Variants in MTCL1 observed in about 807,000 individuals in gnomAD.
The protein encoded by MTCL1 is microtubule cross-linking factor 1.
MTCL1 carries 79 observed loss-of-function variants against 141.4 expected under a neutral mutation model. That is an observed-to-expected ratio of 0.56 (90% CI 0.47 to 0.67). The LOEUF is 0.67. Ranked by LOEUF, MTCL1 falls within the 30% of genes least tolerant of loss-of-function variation. MTCL1 has a pLI of 0.00. For missense variants in MTCL1, 2,177 were observed against 2,113.9 expected (o/e 1.03, Z -0.59); for synonymous variants, 914 against 875.8 (o/e 1.04, Z -0.77).
intron 2 of MTCL1, chr18:8,718,014 G>T: frequency 2.0e-6 from 2 of 1,006,744 alleles, no homozygotes; most frequent in Non-Finnish European, 1.2e-6. Context: ...TGAAGTTTAT[G>T]TTCTTTGAAG....
intron 12 of MTCL1, among the ~76,000 whole-genome samples, chr18:8,816,826 A>G (rs1247577609): frequency 6.6e-6 from 1 of 152,194 alleles, no homozygotes; most frequent in Admixed American, 6.5e-5. Context: ...CTTGCATTAA[A>G]AGTTGTTTTA....
chr18:8,777,137 G>A (rs2096514053), intron 4 of MTCL1, among the ~76,000 whole-genome samples: 1 of 152,204 alleles, frequency 6.6e-6, no homozygotes, highest in African/African-American at 2.4e-5. Context: ...TTGGGAGGCT[G>A]AGGCAAGAGA....
At chr18:8,706,817 C>G in intron 1 of MTCL1, 104 bp downstream of exon 1, 1 of 1,480,176 alleles carries the variant, frequency 6.8e-7, no homozygotes, top group Non-Finnish European at 8.9e-7. Context: ...AGCGCCTTCT[C>G]CCTCCTGCTC....
chr18:8,802,159 T>G (rs1415666010), intron 10 of MTCL1: 1 of 152,188 alleles, frequency 6.6e-6, no homozygotes, highest in Non-Finnish European at 1.5e-5. Flanking sequence ...CTCCTGCTGG[T>G]GGAGGAGTTG....
intron 4 of MTCL1, among the ~76,000 whole-genome samples, chr18:8,745,237 C>T (rs2096329824): frequency 6.6e-6 from 1 of 152,172 alleles, no homozygotes; most frequent in Non-Finnish European, 1.5e-5. Context: ...AGAGCATTAT[C>T]AATTGGTTGC....
At chr18:8,784,214 C>T (rs147496732) in exon 6 of MTCL1, 21 of 1,611,676 alleles carry the variant, frequency 1.3e-5, no homozygotes, top group Admixed American at 8.3e-5. Flanking sequence ...CAACATCCAG[C>T]GCTGCGACCT....
chr18:8,780,061 C>T (rs1328081496), intron 5 of MTCL1, among the ~76,000 whole-genome samples: 1 of 152,164 alleles, frequency 6.6e-6, no homozygotes, highest in Non-Finnish European at 1.5e-5. Context: ...TGCAGATAAG[C>T]ACGTATAACC....
In MTCL1 at chr18:8,720,386, G is replaced by T. The variant is rs1347757552; in HGVS notation, c.247G>T (p.Glu83Ter). ...ATTGCACCACGAACTTAAGACGGTG[G>T]AGGAAAAGCGCGCTAAAGCTGAGGA... The change falls in exon 4 of 17, where the codon GAG (glutamate) becomes TAG (stop). Residue 83 changes from glutamate (E) to a stop codon, truncating the protein, a stop_gained. Coordinates refer to ENST00000359865, the Ensembl canonical transcript of MTCL1. LOFTEE classifies it high-confidence loss of function. 6.2e-7 allele frequency: 1 copy of T among 1,614,174 alleles called. No homozygotes were observed. The highest frequency in any genetic ancestry group is 1.7e-5 in the Admixed American group (1 of 60,010).
chr18:8,831,412 T>C, intron 16 of MTCL1, 195 bp from the exon 15 acceptor site: 3 of 1,414,648 alleles, frequency 2.1e-6, no homozygotes, highest in Non-Finnish European at 2.8e-6. Context: ...CCCATTCATG[T>C]CACTGATCAT....
At chr18:8,736,816 T>C (rs1244217410) in intron 4 of MTCL1, among the ~76,000 whole-genome samples, 1 of 151,752 alleles carries the variant, frequency 6.6e-6, no homozygotes, top group Non-Finnish European at 1.5e-5. Flanking sequence ...TTTTTTGTAG[T>C]TTTTTAGTAG....
chr18:8,711,380 T>G (rs1453299885), intron 1 of MTCL1, among the ~76,000 whole-genome samples: 1 of 149,780 alleles, frequency 6.7e-6, no homozygotes, highest in African/African-American at 2.5e-5. Flanking sequence ...AGCAGCATGA[T>G]TTCTAGTCCT....
rs894804231 is a variant in MTCL1, at chr18:8,737,569, A to G, written c.357+17073A>G. Reference sequence around the variant, plus strand: ...CAAGTGAAATGAGCAGAAACCATCGAAGATGCCAAGCAGGTGACCAACGCG... The same window carrying G: ...CAAGTGAAATGAGCAGAAACCATCGGAGATGCCAAGCAGGTGACCAACGCG... On this transcript the variant is annotated intron_variant, in intron 4 of 16. Transcript: ENST00000359865. Among the ~76,000 whole-genome samples the G allele has an allele frequency of 3.2e-4, 48 of 152,344 alleles. 1 individual carries two copies. The highest frequency in any genetic ancestry group is 1.2e-3 in the African/African-American group (48 of 41,588).
intron 4 of MTCL1, among the ~76,000 whole-genome samples, chr18:8,732,651 A>G (rs1298193712): frequency 2.0e-5 from 3 of 152,182 alleles, no homozygotes; most frequent in South Asian, 2.1e-4. Flanking sequence ...TCACCCATAC[A>G]TAGTTACACA....
upstream of MTCL1, among the ~76,000 whole-genome samples, chr18:8,714,818 G>A (rs555800646): frequency 4.0e-4 from 60 of 151,436 alleles, 1 homozygote; most frequent in African/African-American, 1.3e-3. Context: ...TTTTTTTGAG[G>A]TGGAGTCTCA....
chr18:8,816,348 G>A (rs1430944893), intron 12 of MTCL1, among the ~76,000 whole-genome samples: 2 of 152,186 alleles, frequency 1.3e-5, no homozygotes, highest in Non-Finnish European at 2.9e-5. Flanking sequence ...TCCACTTTCA[G>A]AACACATGCT....
intron 7 of MTCL1, chr18:8,786,685 T>A: frequency 4.0e-6 from 1 of 251,940 alleles, no homozygotes; most frequent in South Asian, 5.3e-5. Context: ...CCTGGAAGAG[T>A]GAAAGCTCTT....
chr18:8,729,613 C>T (rs2096239656), intron 4 of MTCL1, among the ~76,000 whole-genome samples: 1 of 127,148 alleles, frequency 7.9e-6, no homozygotes. Flanking sequence ...CAGTGTTGCT[C>T]AGGCTGTCTC....
intron 4 of MTCL1, among the ~76,000 whole-genome samples, chr18:8,729,885 C>A (rs752332411): frequency 3.3e-5 from 5 of 151,938 alleles, no homozygotes; most frequent in Non-Finnish European, 5.9e-5. Flanking sequence ...AACCCTACAT[C>A]CTGAATATTT....
At position 8,761,798 on chromosome 18, in the gene MTCL1, C is replaced by T. The variant is rs143373444; in HGVS notation, c.358-16035C>T. 1.7e-3 allele frequency among the ~76,000 whole-genome samples: 259 copies of T among 152,302 alleles called. 1 individual carries two copies. The South Asian group carries it at 0.022, about 13-fold the overall frequency. ...ACATTTCGTGAGACTTATTCATTAT[C>T]ACGAGAACAGCACAGGAAAGACCTG... is the stretch of plus-strand genomic sequence containing the variant. On this transcript the variant is annotated intron_variant, in intron 4 of 16. Transcript: ENST00000359865.
Sources: allele counts gnomAD v4.1 joint callset (sites outside exome capture counted in the v4.1 genomes callset), GRCh38; gene constraint gnomAD v4.1.1; transcripts MANE v1.5; gene names NCBI Gene and HGNC (gene_info 2026-07-23, HGNC 2026-07-21).